ARID1B: variants seen among roughly 807,000 people sequenced by gnomAD.
ARID1B encodes AT-rich interactive domain-containing protein 1B.
Under a neutral mutation model 212.3 loss-of-function variants are expected in ARID1B, and 30 were observed. The observed-to-expected ratio is 0.14, with a 90% CI of 0.11 to 0.19. The LOEUF (loss-of-function observed/expected upper bound fraction) is 0.19, where lower values mean the gene tolerates loss of function less well. ARID1B is among the 10% of genes least tolerant of loss of function. ARID1B has a pLI of 1.00. For synonymous variants in ARID1B, 1,402 were observed against 1,301.7 expected (o/e 1.08, Z -1.66); for missense variants, 2,891 against 3,204.0 (o/e 0.90, Z 2.36).
At chr6:156,868,299 CTATTG>C (rs1260918745) in intron 2 of ARID1B, among the ~76,000 whole-genome samples, 1 of 152,142 alleles carries the variant, frequency 6.6e-6, no homozygotes, top group Non-Finnish European at 1.5e-5. Context: ...GTGGGTGCTT[CTATTG>C]TATTGTTATC....
chr6:157,163,299 G>T (rs1401441344), intron 8 of ARID1B, among the ~76,000 whole-genome samples: 2 of 152,126 alleles, frequency 1.3e-5, no homozygotes, highest in Non-Finnish European at 2.9e-5. Flanking sequence ...GCTTTTTGTT[G>T]TGAGCCACAG....
chr6:156,839,644 T>C lies in ARID1B; in HGVS notation c.1986+10223T>C, dbSNP rs544203777. Among the ~76,000 whole-genome samples the C allele has an allele frequency of 2.9e-4, 44 of 152,198 alleles. 1 individual carries two copies. The highest frequency in any genetic ancestry group is 6.0e-4 in the Non-Finnish European group (41 of 68,032). Reference sequence around the variant, plus strand: ...CAAAATAAAAGGATGGGAAGAGTGATAACTTAGTCACATCACTGGCCCTTA... The same window carrying C: ...CAAAATAAAAGGATGGGAAGAGTGACAACTTAGTCACATCACTGGCCCTTA... On this transcript the variant is annotated intron_variant, in intron 2 of 19. Transcript: ENST00000636930.
intron 13 of ARID1B, among the ~76,000 whole-genome samples, chr6:157,188,740 TACTC>T (rs1232402212): frequency 6.6e-6 from 1 of 152,220 alleles, no homozygotes; most frequent in Non-Finnish European, 1.5e-5. Context: ...GTAGGTGTAT[TACTC>T]ATTTATTAAG....
chr6:157,073,598 G>T (rs376449826), intron 4 of ARID1B, among the ~76,000 whole-genome samples: 1 of 152,152 alleles, frequency 6.6e-6, no homozygotes, highest in African/African-American at 2.4e-5. Context: ...TCAGATTCAC[G>T]ATTGCATTTA....
intron 5 of ARID1B, among the ~76,000 whole-genome samples, chr6:157,102,760 C>G (rs1193971884): frequency 6.6e-6 from 1 of 151,886 alleles, no homozygotes; most frequent in East Asian, 1.9e-4. Context: ...CCACGCCTGG[C>G]TAATTTTTAT....
At chr6:156,931,052 T>C (rs990836937) in intron 3 of ARID1B, among the ~76,000 whole-genome samples, 8 of 151,974 alleles carry the variant, frequency 5.3e-5, no homozygotes, top group African/African-American at 1.7e-4. Flanking sequence ...TAGCCAGGTG[T>C]GGTGGCACAT....
At chr6:156,825,699 C>T (rs1562414583) in intron 1 of ARID1B, among the ~76,000 whole-genome samples, 1 of 152,156 alleles carries the variant, frequency 6.6e-6, no homozygotes. Context: ...CCTGGGCTGT[C>T]TAGATTGAAT....
chr6:157,132,401 C>T (rs1193218407), intron 6 of ARID1B, among the ~76,000 whole-genome samples: 1 of 152,216 alleles, frequency 6.6e-6, no homozygotes, highest in African/African-American at 2.4e-5. Context: ...TGCTGGGGCG[C>T]AGCAGAATAC....
At chr6:156,796,688 C>T (rs925517349) in intron 1 of ARID1B, among the ~76,000 whole-genome samples, 1 of 152,214 alleles carries the variant, frequency 6.6e-6, no homozygotes, top group Non-Finnish European at 1.5e-5. Context: ...GCCATTTCCT[C>T]CTCTTCCAGG....
chr6:156,780,578 G>T (rs1268267487), intron 1 of ARID1B: 1 of 152,156 alleles, frequency 6.6e-6, no homozygotes, highest in Non-Finnish European at 1.5e-5. Context: ...TCACCATTGG[G>T]CATTTAGCAC....
At chr6:157,180,903 C>A in intron 11 of ARID1B, 66 bp from the exon 12 acceptor site, 1 of 1,382,082 alleles carries the variant, frequency 7.2e-7, no homozygotes, top group South Asian at 1.3e-5. Context: ...TTACTTTTTT[C>A]TCACCTTCTT....
At chr6:156,827,372 C>G (rs888575057) in intron 1 of ARID1B, among the ~76,000 whole-genome samples, 1 of 152,244 alleles carries the variant, frequency 6.6e-6, no homozygotes, top group African/African-American at 2.4e-5. Context: ...CATTTCCCTT[C>G]TAACTGTGCC....
intron 2 of ARID1B, among the ~76,000 whole-genome samples, chr6:156,886,984 C>CT (rs1787559431): frequency 6.6e-6 from 1 of 152,166 alleles, no homozygotes; most frequent in African/African-American, 2.4e-5. Flanking sequence ...CTGACCCTAC[C>CT]TTTGTACATG....
At chr6:156,831,641 G>C (rs1008611349) in intron 2 of ARID1B, among the ~76,000 whole-genome samples, 3 of 152,204 alleles carry the variant, frequency 2.0e-5, no homozygotes, top group African/African-American at 7.2e-5. Context: ...GATATATAGA[G>C]TAATCTCAAT....
intron 8 of ARID1B, among the ~76,000 whole-genome samples, chr6:157,160,725 T>C (rs547111272): frequency 6.6e-6 from 1 of 152,322 alleles, no homozygotes; most frequent in Middle Eastern, 3.4e-3. Context: ...TCTCGCTTCT[T>C]ATTTTGCTCT....
At chr6:157,166,684 G>A (rs1791346980) in intron 8 of ARID1B, 1 of 169,550 alleles carries the variant, frequency 5.9e-6, no homozygotes, top group African/African-American at 2.4e-5. Flanking sequence ...TTACTAAGTA[G>A]TGTTAATAGT....
At chr6:156,985,487 C>T (rs560602129) in intron 4 of ARID1B, 2 of 152,278 alleles carry the variant, frequency 1.3e-5, no homozygotes, top group African/African-American at 2.4e-5. Flanking sequence ...AATTGACACA[C>T]GTTTAAACAT....
chr6:157,104,799 C>A (rs1325890400), intron 5 of ARID1B, among the ~76,000 whole-genome samples: 1 of 152,108 alleles, frequency 6.6e-6, no homozygotes, highest in Non-Finnish European at 1.5e-5. Flanking sequence ...ATGAGTTCTC[C>A]TTGACTGATT....
intron 4 of ARID1B, among the ~76,000 whole-genome samples, chr6:157,065,785 T>G (rs968600186): frequency 2.0e-5 from 3 of 152,256 alleles, no homozygotes; most frequent in Admixed American, 1.3e-4. Flanking sequence ...CTGGTTTATA[T>G]TCTCTAATGC....
Sources: allele counts gnomAD v4.1 joint callset (sites outside exome capture counted in the v4.1 genomes callset), GRCh38; gene constraint gnomAD v4.1.1; transcripts MANE v1.5; gene names NCBI Gene and HGNC (gene_info 2026-07-23, HGNC 2026-07-21).